Variants in ATF6 observed in about 807,000 individuals in gnomAD.
The protein encoded by ATF6 is cyclic AMP-dependent transcription factor ATF-6 alpha.
ATF6 carries 53 observed loss-of-function variants against 83.6 expected under a neutral mutation model. That is an observed-to-expected ratio of 0.63 (90% CI 0.51 to 0.80). The LOEUF (loss-of-function observed/expected upper bound fraction) is 0.80, where lower values mean the gene tolerates loss of function less well. Among genes scored for constraint, ATF6 ranks in the 30% least tolerant of loss-of-function variants. ATF6 has a pLI of 0.00. For synonymous variants in ATF6, 288 were observed against 285.8 expected (o/e 1.01, Z -0.08); for missense variants, 744 against 797.9 (o/e 0.93, Z 0.81).
chr1:161,860,224 C>T lies in ATF6; in HGVS notation c.1551C>T (p.Gly517=), dbSNP rs1439723163. ...TRILQGALEQ[G]SNSQLMAVQY... ...TATTCCAGGGTGCTCTGGAACAGGGCTCAAATTCTCAGCTGATGGCTGTTC... is the reference window on the plus strand; with the variant it reads ...TATTCCAGGGTGCTCTGGAACAGGGTTCAAATTCTCAGCTGATGGCTGTTC... Residue 517 remains glycine (G), a synonymous_variant, in exon 13 of 16, where the codon GGC becomes GGT. Transcript: ENST00000367942. 2 of 1,589,148 alleles carry T rather than the reference C, an allele frequency of 1.3e-6. No individual in the cohort carries two copies. The highest frequency in any genetic ancestry group is 2.3e-5 in the East Asian group (1 of 44,344).
At chr1:161,813,732 G>A (rs1224277097) in intron 7 of ATF6, among the ~76,000 whole-genome samples, 4 of 152,094 alleles carry the variant, frequency 2.6e-5, no homozygotes, top group South Asian at 2.1e-4. Flanking sequence ...ACAAGGTGAC[G>A]TGATTTATTT....
intron 12 of ATF6, 130 bp downstream of exon 12, chr1:161,853,453 T>C: frequency 1.4e-6 from 1 of 702,090 alleles, no homozygotes; most frequent in Non-Finnish European, 2.5e-6. Flanking sequence ...TCCTGCTGCT[T>C]CCGATGCAGC....
chr1:161,788,207 C>T (rs1162092302), intron 4 of ATF6, among the ~76,000 whole-genome samples: 1 of 152,170 alleles, frequency 6.6e-6, no homozygotes, highest in Non-Finnish European at 1.5e-5. Flanking sequence ...GACTTCTCTC[C>T]TGATACTTGG....
At chr1:161,849,194 ATACTT>A (rs1261661033) in intron 10 of ATF6, among the ~76,000 whole-genome samples, 1 of 152,170 alleles carries the variant, frequency 6.6e-6, no homozygotes, top group Non-Finnish European at 1.5e-5. Context: ...CACAAGACAG[ATACTT>A]TTTTTCCTTC....
intron 14 of ATF6, among the ~76,000 whole-genome samples, chr1:161,864,890 T>C (rs1000340915): frequency 2.6e-5 from 4 of 152,200 alleles, no homozygotes; most frequent in African/African-American, 7.2e-5. Flanking sequence ...AAGTAAACTT[T>C]TAAGAAGATT....
At chr1:161,862,797 A>G (rs1255811426) in intron 13 of ATF6, among the ~76,000 whole-genome samples, 2 of 152,206 alleles carry the variant, frequency 1.3e-5, no homozygotes, top group African/African-American at 4.8e-5. Flanking sequence ...CTCGTAGGCA[A>G]GCATACCTTC....
intron 14 of ATF6, among the ~76,000 whole-genome samples, chr1:161,869,380 G>T (rs1421138550): frequency 6.6e-6 from 1 of 151,804 alleles, no homozygotes; most frequent in South Asian, 2.1e-4. Context: ...TAGTATCAAA[G>T]GAAATTCATT....
intron 14 of ATF6, among the ~76,000 whole-genome samples, chr1:161,890,631 C>G (rs936933234): frequency 6.6e-6 from 1 of 152,226 alleles, no homozygotes; most frequent in Non-Finnish European, 1.5e-5. Context: ...GAACTAGATC[C>G]GGCTGGTTCT....
chr1:161,780,614 C>T (rs918517349), intron 2 of ATF6, among the ~76,000 whole-genome samples: 4 of 152,164 alleles, frequency 2.6e-5, no homozygotes, highest in Non-Finnish European at 5.9e-5. Context: ...ACCTCGTGAT[C>T]CACCTGCCTC....
chr1:161,799,807 CT>C (rs1685102589), intron 6 of ATF6, among the ~76,000 whole-genome samples: 1 of 152,070 alleles, frequency 6.6e-6, no homozygotes, highest in African/African-American at 2.4e-5. Context: ...TATAAGTTAT[CT>C]TTTTTAGCCA....
rs534173274 is a variant in ATF6 at position 161,840,179 on chromosome 1, T to C, written c.1188-6270T>C. The C allele has an allele frequency of 1.8e-4, 27 of 152,332 alleles. 1 individual carries two copies. The highest frequency in any genetic ancestry group is 1.6e-3 in the Admixed American group (25 of 15,298). The allele number at this position is 152,332 out of a possible 1,614,324, so 9.4% of individuals were successfully genotyped here. A position where few individuals can be genotyped will look rare whatever the true frequency, so the allele number is the denominator to read the frequency against. ...GGAAAACCTTGTGAAATATTTGTTATTTTTCATGTTTTACATGTGAGGAAT... is the reference window on the plus strand; with the variant it reads ...GGAAAACCTTGTGAAATATTTGTTACTTTTCATGTTTTACATGTGAGGAAT... On this transcript the variant is annotated intron_variant, in intron 9 of 15. Coordinates refer to ENST00000367942, the MANE Select transcript of ATF6 (RefSeq NM_007348.4).
chr1:161,791,110 G>C lies in ATF6; in HGVS notation c.355-298G>C, dbSNP rs1345487172. Among the ~76,000 whole-genome samples, 351 of 146,820 alleles carry C rather than the reference G, an allele frequency of 2.4e-3. 2 individuals carry two copies. Among genetic ancestry groups the C allele is most frequent in the African/African-American group, 8.4e-3 (331 of 39,302 alleles). On this transcript the variant is annotated intron_variant, in intron 4 of 15. Coordinates refer to ENST00000367942, the MANE Select transcript of ATF6 (RefSeq NM_007348.4). ...TCTGTGTGTGTGTGTGTGTCTCTGT[G>C]TGTGTGTGTGTGTGTGTGTGTGTAG...
At chr1:161,944,111 G>T (rs1688703514) in intron 15 of ATF6, among the ~76,000 whole-genome samples, 1 of 152,204 alleles carries the variant, frequency 6.6e-6, no homozygotes, top group Non-Finnish European at 1.5e-5. Flanking sequence ...CTAAAACCAA[G>T]ACTGGTCTTC....
intron 15 of ATF6, among the ~76,000 whole-genome samples, chr1:161,936,350 A>G (rs1688536695): frequency 6.6e-6 from 1 of 152,058 alleles, no homozygotes; most frequent in Non-Finnish European, 1.5e-5. Flanking sequence ...GTATATATTT[A>G]TGGGGTATGT....
chr1:161,944,936 G>A (rs543214270), intron 15 of ATF6, among the ~76,000 whole-genome samples: 2 of 148,712 alleles, frequency 1.3e-5, no homozygotes, highest in African/African-American at 2.4e-5. Context: ...ACAAGTTTTG[G>A]CAAAGAAGGT....
At chr1:161,851,267 CA>C (rs1469504951) in intron 10 of ATF6, among the ~76,000 whole-genome samples, 12 of 150,710 alleles carry the variant, frequency 8.0e-5, no homozygotes, top group East Asian at 7.7e-4. Flanking sequence ...CACACACACA[CA>C]CACACACCCC....
At chr1:161,945,237 T>G (rs946583093) in intron 15 of ATF6, among the ~76,000 whole-genome samples, 1 of 152,232 alleles carries the variant, frequency 6.6e-6, no homozygotes, top group Non-Finnish European at 1.5e-5. Context: ...ATTACAGAAG[T>G]TGGATCCTAT....
At chr1:161,915,496 T>A (rs1688077641) in intron 15 of ATF6, among the ~76,000 whole-genome samples, 1 of 152,230 alleles carries the variant, frequency 6.6e-6, no homozygotes, top group African/African-American at 2.4e-5. Flanking sequence ...TAAGGTAATT[T>A]CTTCCTTTTG....
chr1:161,939,037 G>T (rs1357013798), intron 15 of ATF6, among the ~76,000 whole-genome samples: 1 of 151,946 alleles, frequency 6.6e-6, no homozygotes, highest in Non-Finnish European at 1.5e-5. Flanking sequence ...CTCCAAATAG[G>T]CTTTCATCTC....
Sources: gnomAD v4.1 joint callset for allele counts (sites outside exome capture counted in the v4.1 genomes callset) on GRCh38, gnomAD v4.1.1 for gene constraint, MANE v1.5 for transcripts, NCBI Gene and HGNC (gene_info 2026-07-23, HGNC 2026-07-21) for gene names.